CLPTM1L: variants seen among roughly 807,000 people sequenced by gnomAD.
CLPTM1L encodes the protein CLPTM1 like.
Under a neutral mutation model 70.9 loss-of-function variants are expected in CLPTM1L, and 38 were observed. That is an observed-to-expected ratio of 0.54 (90% CI 0.41 to 0.70). CLPTM1L has a LOEUF of 0.70. Ranked by LOEUF, CLPTM1L falls within the 30% of genes least tolerant of loss-of-function variation. The probability of loss-of-function intolerance (pLI) is 0.00; values close to 1 mark genes in which losing one functional copy is unlikely to be tolerated. For synonymous variants in CLPTM1L, 339 were observed against 299.9 expected (o/e 1.13, Z -1.35); for missense variants, 652 against 705.9 (o/e 0.92, Z 0.87).
In CLPTM1L at chr5:1,318,256, G is replaced by A. The variant is rs1411179475; in HGVS notation, c.*113C>T. 6 of 823,676 alleles carry A rather than the reference G, an allele frequency of 7.3e-6. No individual in the cohort carries two copies. Among genetic ancestry groups the A allele is most frequent in the South Asian group, 1.6e-5 (1 of 63,332 alleles). The allele number at this position is 823,676 out of a possible 1,614,324, so 51.0% of individuals were successfully genotyped here. ...CTTGGGAGATGTCTGAGAAATGTCCGAAGGGATTTTGGCAACACAGAAAAC... is the reference window on the plus strand; with the variant it reads ...CTTGGGAGATGTCTGAGAAATGTCCAAAGGGATTTTGGCAACACAGAAAAC... On this transcript the variant is annotated 3_prime_UTR_variant, in exon 17 of 17. Coordinates refer to ENST00000320895, the MANE Select transcript of CLPTM1L (RefSeq NM_030782.5). The surrounding 1 kb of genome is among the most constrained non-coding windows in gnomAD (Gnocchi z 8.9).
intron 11 of CLPTM1L, among the ~76,000 whole-genome samples, chr5:1,324,434 C>T (rs1190789200): frequency 2.0e-5 from 3 of 152,260 alleles, no homozygotes; most frequent in African/African-American, 4.8e-5. Context: ...GCCTTGGTGA[C>T]GGCAAGTGCG....
intron 12 of CLPTM1L, 136 bp downstream of exon 12, chr5:1,323,651 C>T (rs1561230170): frequency 1.5e-6 from 1 of 676,016 alleles, no homozygotes; most frequent in South Asian, 1.7e-5. Flanking sequence ...GCTGCAGGGG[C>T]AGGACCCCTC....
chr5:1,333,619 T>C (rs1217032871), intron 7 of CLPTM1L, among the ~76,000 whole-genome samples: 1 of 116,000 alleles, frequency 8.6e-6, no homozygotes, highest in South Asian at 2.7e-4. Context: ...GACTATTGTA[T>C]ACACACCAGA....
rs1561237790 is a variant in CLPTM1L at position 1,328,976 on chromosome 5, A to AGCTCCTCCTCTACAGACACATTCCATC, written c.1080+1303_1080+1304insGATGGAATGTGTCTGTAGAGGAGGAGC. Among the ~76,000 whole-genome samples the AGCTCCTCCTCTACAGACACATTCCATC allele has an allele frequency of 4.2e-4, 56 of 134,056 alleles. 1 individual carries two copies. Among genetic ancestry groups the AGCTCCTCCTCTACAGACACATTCCATC allele is most frequent in the Middle Eastern group, 9.3e-3 (2 of 216 alleles). 87.9% of individuals were successfully genotyped at this position (134,056 alleles called of 152,430 possible). A position where few individuals can be genotyped will look rare whatever the true frequency, so the allele number is the denominator to read the frequency against. On this transcript the variant is annotated intron_variant, in intron 9 of 16. Transcript: ENST00000320895. ...CTCCTCCTCTACAGACACATTTCAT[A>AGCTCCTCCTCTACAGACACATTCCATC]CAGCTCCTCCTCTACAGAGACATTG...
At chr5:1,341,402 T>G (rs1414709051) in intron 3 of CLPTM1L, among the ~76,000 whole-genome samples, 2 of 152,280 alleles carry the variant, frequency 1.3e-5, no homozygotes, top group East Asian at 3.9e-4. Context: ...CCCCAGAGAC[T>G]GAGAGGGCCC....
At chr5:1,324,412 G>A (rs1752379102) in intron 11 of CLPTM1L, among the ~76,000 whole-genome samples, 1 of 152,376 alleles carries the variant, frequency 6.6e-6, no homozygotes, top group African/African-American at 2.4e-5. Context: ...CTGTGCGGCC[G>A]CGGCCATTAT....
rs909218242 is a variant in CLPTM1L, at chr5:1,325,571, G to A, written c.1146+180C>T. The stretch of plus-strand genomic sequence containing the variant: ...CGGTCAGAACTAGGTATATGACCGG[G>A]GAATCCTCAGGCGAAGAGAGTGGCT... On this transcript the variant is annotated intron_variant, in intron 10 of 16. Coordinates refer to ENST00000320895, the MANE Select transcript of CLPTM1L (RefSeq NM_030782.5). 3.0e-5 allele frequency: 19 copies of A among 629,012 alleles called. No individual in the cohort carries two copies. In the East Asian group the frequency reaches 4.8e-4, roughly 16 times the overall value. 39.0% of individuals were successfully genotyped at this position (629,012 alleles called of 1,614,324 possible). A position where few individuals can be genotyped will look rare whatever the true frequency, so the allele number is the denominator to read the frequency against.
rs1017578551 is a variant in CLPTM1L, at chr5:1,342,550, G to C, written c.264-690C>G. ...TACTACAGCCCCATGGAAAAACCTCGCATTCCACCTGTTTACGGTTACATG... is the reference window on the plus strand; with the variant it reads ...TACTACAGCCCCATGGAAAAACCTCCCATTCCACCTGTTTACGGTTACATG... On this transcript the variant is annotated intron_variant, in intron 2 of 16. Transcript: ENST00000320895. This position sits in a 1 kb window ranked among gnomAD's most constrained non-coding sequence, Gnocchi z 4.3. 6.6e-6 allele frequency among the ~76,000 whole-genome samples: 1 copy of C among 152,184 alleles called. No homozygotes were observed. Among genetic ancestry groups the C allele is most frequent in the Non-Finnish European group, 1.5e-5 (1 of 68,030 alleles).
chr5:1,334,165 G>T, intron 7 of CLPTM1L, 124 bp downstream of exon 7: 1 of 641,950 alleles, frequency 1.6e-6, no homozygotes, highest in Non-Finnish European at 2.7e-6. Flanking sequence ...TGATGGGAGT[G>T]GACACTTGAG....
At chr5:1,331,628 G>GC (rs1753098460) in intron 8 of CLPTM1L, 171 bp downstream of exon 8, 1 of 620,986 alleles carries the variant, frequency 1.6e-6, no homozygotes, top group South Asian at 1.9e-5. Flanking sequence ...CACAATTGCC[G>GC]CAACGGCTCC....
Position 1,330,352 on chromosome 5 carries a change from G to A in CLPTM1L, c.1008C>T (p.Ile336=). Residue 336 remains isoleucine, a synonymous_variant, in exon 9 of 17, where the codon ATC becomes ATT. Transcript: ENST00000320895. ...TCTGCTCGTCCAGCAGGAACAGAAA[G>A]ATGACCACGGTGCTGAAGCAGCGCC... The part of the protein sequence containing the change: ...VLWRCFSTVV[I]FLFLLDEQTS... 6.2e-7 allele frequency: 1 copy of A among 1,612,896 alleles called. No individual in the cohort carries two copies. Among genetic ancestry groups the A allele is most frequent in the African/African-American group, 1.3e-5 (1 of 75,062 alleles).
intron 9 of CLPTM1L, chr5:1,326,066 G>A (rs1256716313): frequency 7.7e-6 from 4 of 521,982 alleles, no homozygotes; most frequent in Non-Finnish European, 1.4e-5. Context: ...AAAACAGCAT[G>A]TGAGGGCAGT....
At position 1,331,585 on chromosome 5, in the gene CLPTM1L, G is replaced by A. The variant is rs1753094608; in HGVS notation, c.976+214C>T. 4 of 593,578 alleles carry A rather than the reference G, an allele frequency of 6.7e-6. No individual in the cohort carries two copies. In the South Asian group the frequency reaches 8.2e-5, roughly 12 times the overall value. The allele number at this position is 593,578 out of a possible 1,614,324, so 36.8% of individuals were successfully genotyped here. A position where few individuals can be genotyped will look rare whatever the true frequency, so the allele number is the denominator to read the frequency against. ...GGCCCTGAGCTGTGCAGCCGCTGGA[G>A]GCCCTGAGCCGTGCAGCCTCTGATG... is the stretch of plus-strand genomic sequence containing the variant. On this transcript the variant is annotated intron_variant, in intron 8 of 16. Transcript: ENST00000320895.
intron 12 of CLPTM1L, 102 bp from the exon 13 acceptor site, chr5:1,323,013 C>T: frequency 8.5e-7 from 1 of 1,177,826 alleles, no homozygotes; most frequent in Non-Finnish European, 1.3e-6. Flanking sequence ...TCTGAAAATA[C>T]CCAGATGCTC....
rs1751938845 is a variant in CLPTM1L, at chr5:1,318,174, T to G, written c.*195A>C. On this transcript the variant is annotated 3_prime_UTR_variant, in exon 17 of 17. Transcript: ENST00000320895. The surrounding 1 kb of genome is among the most constrained non-coding windows in gnomAD (Gnocchi z 8.9). ...CACCCAGCTCTGTGACCAAGACAGA[T>G]GTTCACACGTGGGGGCATCGTAAGC... 1 of 586,988 alleles carries G rather than the reference T, an allele frequency of 1.7e-6. No individual in the cohort carries two copies. The highest frequency in any genetic ancestry group is 3.0e-6 in the Non-Finnish European group (1 of 330,128). The allele number at this position is 586,988 out of a possible 1,614,324, so 36.4% of individuals were successfully genotyped here.
intron 9 of CLPTM1L, among the ~76,000 whole-genome samples, chr5:1,327,221 A>AGG (rs1752654725): frequency 7.0e-6 from 1 of 141,988 alleles, no homozygotes; most frequent in Non-Finnish European, 1.5e-5. Flanking sequence ...CCTCCTCTAC[A>AGG]GACACATTTC....
In CLPTM1L at chr5:1,327,745, G is replaced by A. The variant is rs1388032736; in HGVS notation, c.1081-1929C>T. Among the ~76,000 whole-genome samples, 44 of 129,696 alleles carry A rather than the reference G, an allele frequency of 3.4e-4. 1 individual carries two copies. Among genetic ancestry groups the A allele is most frequent in the Middle Eastern group, 5.7e-3 (1 of 174 alleles). 85.1% of individuals were successfully genotyped at this position (129,696 alleles called of 152,430 possible). A position where few individuals can be genotyped will look rare whatever the true frequency, so the allele number is the denominator to read the frequency against. ...ATTTCATCCAGCTCCTCCTCTACAG[G>A]GACATTCCACCCAGCTCCTCCTCTA... On this transcript the variant is annotated intron_variant, in intron 9 of 16. Transcript: ENST00000320895.
chr5:1,333,699 A>ACCGGAT (rs1753340461), intron 7 of CLPTM1L, among the ~76,000 whole-genome samples: 17 of 40,316 alleles, frequency 4.2e-4, no homozygotes, highest in South Asian at 6.2e-4. Flanking sequence ...ACACACCGCA[A>ACCGGAT]GAGGATAAGG....
Position 1,344,715 on chromosome 5 carries a change from T to C in CLPTM1L, c.127A>G (p.Ile43Val), listed in dbSNP as rs770654601. 14 of 1,588,708 alleles carry C rather than the reference T, an allele frequency of 8.8e-6. No individual in the cohort carries two copies. The highest frequency in any genetic ancestry group is 1.2e-5 in the Non-Finnish European group (14 of 1,169,452). The change falls in exon 1 of 17, where the codon ATC becomes GTC. Residue 43 changes from isoleucine to valine, a missense_variant. By Grantham distance (29) the Ile-to-Val change is conservative. Transcript: ENST00000320895. ...GGCCGCCGCGCCAGGTAGGGCTGGATGCAGTTGGCGTCGCCGGAGCACGGG... is the reference window on the plus strand; with the variant it reads ...GGCCGCCGCGCCAGGTAGGGCTGGACGCAGTTGGCGTCGCCGGAGCACGGG... ...TRPCSGDANC[I>V]QPYLARRPKL...
Sources: gnomAD v4.1 joint callset for allele counts (sites outside exome capture counted in the v4.1 genomes callset) on GRCh38, gnomAD v4.1.1 for gene constraint, Gnocchi (gnomAD v3.1) non-coding constraint, MANE v1.5 for transcripts, NCBI Gene and HGNC (gene_info 2026-07-23, HGNC 2026-07-21) for gene names.